SULT1E1: variants seen among roughly 807,000 people sequenced by gnomAD.
SULT1E1 encodes sulfotransferase 1E1.
SULT1E1 carries 36 observed loss-of-function variants against 33.6 expected under a neutral mutation model. That is an observed-to-expected ratio of 1.07 (90% CI 0.82 to 1.41). SULT1E1 has a LOEUF of 1.41. SULT1E1 is among the 40% of genes most tolerant of loss of function. The pLI is 0.00. For missense variants in SULT1E1, 371 were observed against 345.7 expected (o/e 1.07, Z -0.58); for synonymous variants, 121 against 111.7 (o/e 1.08, Z -0.53).
chr4:69,855,729 T>G (rs1721219514), intron 2 of SULT1E1, among the ~76,000 whole-genome samples: 1 of 152,158 alleles, frequency 6.6e-6, no homozygotes, highest in Non-Finnish European at 1.5e-5. Context: ...TTTTTACATC[T>G]AAAAAGTAAG....
the SULT1E1 span, among the ~76,000 whole-genome samples, chr4:69,829,806 A>G: frequency 6.6e-6 from 1 of 152,304 alleles, no homozygotes; most frequent in East Asian, 1.9e-4. Flanking sequence ...TAGTGGCCCT[A>G]TAAGTCAGGT....
the SULT1E1 span, among the ~76,000 whole-genome samples, chr4:69,823,470 G>C: frequency 1.0e-3 from 154 of 152,188 alleles, no homozygotes; most frequent in African/African-American, 3.7e-3. Context: ...TCTTTAGAAG[G>C]TGGAGTCATC....
At chr4:69,834,239 A>G in the SULT1E1 span, among the ~76,000 whole-genome samples, 1 of 152,190 alleles carries the variant, frequency 6.6e-6, no homozygotes, top group Non-Finnish European at 1.5e-5. Flanking sequence ...TGCTTACTGG[A>G]CATCTTCCTT....
chr4:69,852,676 T>A (rs1166214971), intron 4 of SULT1E1, among the ~76,000 whole-genome samples: 1 of 152,202 alleles, frequency 6.6e-6, no homozygotes, highest in Non-Finnish European at 1.5e-5. Flanking sequence ...TTTACAAATA[T>A]CCTGTATCTA....
chr4:69,844,050 A>G, intron 7 of SULT1E1, 111 bp downstream of exon 7: 1 of 930,396 alleles, frequency 1.1e-6, no homozygotes, highest in Non-Finnish European at 1.7e-6. Flanking sequence ...AGACTGCTGA[A>G]GAAAACTTAA....
chr4:69,846,744 T>A (rs1720985298), intron 6 of SULT1E1, among the ~76,000 whole-genome samples: 4 of 151,740 alleles, frequency 2.6e-5, no homozygotes. Flanking sequence ...GTGTGTTACT[T>A]TTCACTGATT....
the SULT1E1 span, among the ~76,000 whole-genome samples, chr4:69,832,909 T>C: frequency 6.6e-6 from 1 of 152,154 alleles, no homozygotes; most frequent in Non-Finnish European, 1.5e-5. Context: ...GGAGAACTTA[T>C]CTCCTCACAT....
chr4:69,835,980 A>G, the SULT1E1 span, among the ~76,000 whole-genome samples: 6 of 152,198 alleles, frequency 3.9e-5, no homozygotes, highest in African/African-American at 1.4e-4. Flanking sequence ...TCATAGAATC[A>G]TTGCTATTAC....
Position 69,841,510 on chromosome 4 carries a change from G to C in SULT1E1, c.*484C>G, listed in dbSNP as rs1016683930. The C allele has an allele frequency of 6.6e-6, 1 of 152,442 alleles. No individual in the cohort carries two copies. The highest frequency in any genetic ancestry group is 6.5e-5 in the Admixed American group (1 of 15,272). The allele number at this position is 152,442 out of a possible 1,614,324, so 9.4% of individuals were successfully genotyped here. A position where few individuals can be genotyped will look rare whatever the true frequency, so the allele number is the denominator to read the frequency against. ...GTGGGAAGATCACTTGAGCTCAAGGGTTTCAGACCAGCCTGGACACTATAG... is the reference window on the plus strand; with the variant it reads ...GTGGGAAGATCACTTGAGCTCAAGGCTTTCAGACCAGCCTGGACACTATAG... On this transcript the variant is annotated 3_prime_UTR_variant, in exon 8 of 8. Transcript: ENST00000226444.
the SULT1E1 span, among the ~76,000 whole-genome samples, chr4:69,824,992 T>C: frequency 6.6e-6 from 1 of 152,214 alleles, no homozygotes; most frequent in Non-Finnish European, 1.5e-5. Flanking sequence ...AGCTGTAATA[T>C]TCACTGTGAA....
At chr4:69,843,184 G>A (rs561945177) in intron 7 of SULT1E1, among the ~76,000 whole-genome samples, 15 of 152,106 alleles carry the variant, frequency 9.9e-5, no homozygotes, top group Middle Eastern at 6.8e-3. Flanking sequence ...TCTTGCTCAA[G>A]GAGCTCTAAA....
chr4:69,846,304 T>TAAAAAAAAAAAA (rs1720974501), intron 6 of SULT1E1, among the ~76,000 whole-genome samples: 1 of 20,990 alleles, frequency 4.8e-5, no homozygotes, highest in Non-Finnish European at 1.0e-4. Context: ...AACAAAACAA[T>TAAAAAAAAAAAA]CAAAAAAAAA....
At chr4:69,856,232 A>G (rs1721232440) in intron 2 of SULT1E1, among the ~76,000 whole-genome samples, 1 of 152,226 alleles carries the variant, frequency 6.6e-6, no homozygotes, top group African/African-American at 2.4e-5. Flanking sequence ...GTCTATCTGA[A>G]GAGAGGAGTT....
At chr4:69,854,006 C>CT (rs1721179134) in intron 4 of SULT1E1, among the ~76,000 whole-genome samples, 1 of 152,098 alleles carries the variant, frequency 6.6e-6, no homozygotes, top group Non-Finnish European at 1.5e-5. Context: ...CTTAGGGAGT[C>CT]TAACTGGACT....
the SULT1E1 span, among the ~76,000 whole-genome samples, chr4:69,824,248 G>A: frequency 4.1e-4 from 63 of 152,246 alleles, 1 homozygote; most frequent in Non-Finnish European, 6.8e-4. Context: ...AAACAAGGAG[G>A]CCATCCAAGT....
At chr4:69,849,410 A>G (rs776589533) in intron 5 of SULT1E1, 27 bp downstream of exon 5, 13 of 1,601,806 alleles carry the variant, frequency 8.1e-6, no homozygotes, top group Non-Finnish European at 1.1e-5. Context: ...CTTGAAAAAA[A>G]ATTCAGTGTA....
intron 4 of SULT1E1, among the ~76,000 whole-genome samples, chr4:69,852,243 T>C (rs951158178): frequency 7.2e-5 from 11 of 152,298 alleles, no homozygotes; most frequent in Non-Finnish European, 1.3e-4. Context: ...TTTGAACACC[T>C]GCCTCATGGT....
intron 4 of SULT1E1, among the ~76,000 whole-genome samples, chr4:69,851,596 C>T (rs899810226): frequency 2.0e-5 from 3 of 152,096 alleles, no homozygotes; most frequent in Non-Finnish European, 4.4e-5. Flanking sequence ...ACTAGAAATA[C>T]CATTTGACCC....
chr4:69,849,546 C>T lies in SULT1E1; in HGVS notation c.387G>A (p.Arg129=). Residue 129 remains arginine (R), a synonymous_variant, in exon 5 of 8, where the codon CGG becomes CGA. Coordinates refer to ENST00000226444, the MANE Select transcript of SULT1E1 (RefSeq NM_005420.3). ...AGGAAACAGCCACATCCTTTGCATT[C>T]CGGCAAAGATAGATTATCTAAGAGG... ...EKDCKIIYLC[R]NAKDVAVSFY... The T allele has an allele frequency of 2.5e-6, 4 of 1,606,620 alleles. No homozygotes were observed. Among genetic ancestry groups the T allele is most frequent in the Non-Finnish European group, 3.4e-6 (4 of 1,176,580 alleles).
Sources: gnomAD v4.1 joint callset for allele counts (sites outside exome capture counted in the v4.1 genomes callset) on GRCh38, gnomAD v4.1.1 for gene constraint, MANE v1.5 for transcripts, NCBI Gene and HGNC (gene_info 2026-07-23, HGNC 2026-07-21) for gene names.